The following ABI2 variants were observed in gnomAD, a reference collection of about 807,000 sequenced individuals.
The protein encoded by ABI2 is abl interactor 2, also known as abelson interactor 2.
Under a neutral mutation model 59.2 loss-of-function variants are expected in ABI2, and 25 were observed. The ratio of observed to expected loss-of-function variants is 0.42; its 90% CI spans 0.31 to 0.59. ABI2 has a LOEUF of 0.59. Among genes scored for constraint, ABI2 ranks in the 20% least tolerant of loss-of-function variants. ABI2 has a pLI of 0.14. For synonymous variants in ABI2, 213 were observed against 235.5 expected (o/e 0.90, Z 0.87); for missense variants, 545 against 681.8 (o/e 0.80, Z 2.23).
intron 4 of ABI2, among the ~76,000 whole-genome samples, chr2:203,385,031 CGCCATGTTG>C (rs1297769979): frequency 1.3e-5 from 2 of 151,768 alleles, no homozygotes; most frequent in African/African-American, 2.4e-5. Flanking sequence ...GACAGGGTTT[CGCCATGTTG>C]GCCAGGTTGG....
In ABI2 at chr2:203,431,249, A is replaced by G. The variant is rs1463636282; in HGVS notation, c.*3897A>G. On this transcript the variant is annotated 3_prime_UTR_variant, in exon 12 of 12. Transcript: ENST00000261018. Reference sequence around the variant, plus strand: ...TGATGAGGTGAGTTTTCTTCTTCATATGAACAGCTAGTTAATAACAGCAGA... The same window carrying G: ...TGATGAGGTGAGTTTTCTTCTTCATGTGAACAGCTAGTTAATAACAGCAGA... 1 of 152,630 alleles carries G rather than the reference A, an allele frequency of 6.6e-6. No individual in the cohort carries two copies. Among genetic ancestry groups the G allele is most frequent in the Non-Finnish European group, 1.5e-5 (1 of 68,034 alleles). The allele number at this position is 152,630 out of a possible 1,614,324, so 9.5% of individuals were successfully genotyped here. A position where few individuals can be genotyped will look rare whatever the true frequency, so the allele number is the denominator to read the frequency against.
At chr2:203,379,031 A>C (rs973045496) in intron 2 of ABI2, among the ~76,000 whole-genome samples, 2 of 152,220 alleles carry the variant, frequency 1.3e-5, no homozygotes, top group African/African-American at 4.8e-5. Context: ...CTTGCAGTTT[A>C]AAAAATTTTG....
Position 203,416,900 on chromosome 2 carries a change from G to A in ABI2, c.1280-8G>A, listed in dbSNP as rs377208274. The A allele has an allele frequency of 8.1e-5, 130 of 1,606,392 alleles. No individual in the cohort carries two copies. Among genetic ancestry groups the A allele is most frequent in the South Asian group, 8.0e-4 (72 of 89,938 alleles). On this transcript the variant is annotated splice_region_variant and splice_polypyrimidine_tract_variant and intron_variant, in intron 10 of 11. Coordinates refer to ENST00000261018, the MANE Select transcript of ABI2 (RefSeq NM_001375670.1). ...TATAGTTTTGTTGTCAGCCTGATAC[G>A]TTCTTAGTTTCAGATACACCACCTC...
At position 203,396,780 on chromosome 2, in the gene ABI2, C is replaced by G. The variant is rs1380721198; in HGVS notation, c.851-5C>G. On this transcript the variant is annotated splice_region_variant and splice_polypyrimidine_tract_variant and intron_variant, in intron 7 of 11. Transcript: ENST00000261018. ...ATGCTGCCTCTTACTCCTCTTTCCC[C>G]TCAGCCCCTGCTGGCTCTGCTGGCA... 2 of 1,525,008 alleles carry G rather than the reference C, an allele frequency of 1.3e-6. No homozygotes were observed. The highest frequency in any genetic ancestry group is 1.2e-5 in the South Asian group (1 of 81,654). The allele number at this position is 1,525,008 out of a possible 1,614,324, so 94.5% of individuals were successfully genotyped here.
In ABI2 at chr2:203,429,911, T is replaced by TAAA. The variant is rs1277575859; in HGVS notation, c.*2560_*2561insAAA. ...CAGAAGACACTGGTGAAGTCCTTTA[T>TAAA]ACTGAAGACCTGTGGTTGGGAGCAG... is the stretch of plus-strand genomic sequence containing the variant. On this transcript the variant is annotated 3_prime_UTR_variant, in exon 12 of 12. Coordinates refer to ENST00000261018, the MANE Select transcript of ABI2 (RefSeq NM_001375670.1). The TAAA allele has an allele frequency of 6.6e-6, 1 of 152,228 alleles. No individual in the cohort carries two copies. Among genetic ancestry groups the TAAA allele is most frequent in the Middle Eastern group, 3.1e-3 (1 of 318 alleles). 9.4% of individuals were successfully genotyped at this position (152,228 alleles called of 1,614,324 possible).
At chr2:203,399,743 G>A (rs2097146200) in intron 8 of ABI2, among the ~76,000 whole-genome samples, 1 of 151,976 alleles carries the variant, frequency 6.6e-6, no homozygotes, top group Admixed American at 6.5e-5. Flanking sequence ...TTGAACTCCT[G>A]ACCTCAGGTG....
rs554386836 is a variant in ABI2, at chr2:203,416,293, A to AT, written c.1280-605dup. Among the ~76,000 whole-genome samples, 148 of 147,184 alleles carry AT rather than the reference A, an allele frequency of 1.0e-3. 1 individual carries two copies. The South Asian group carries it at 0.017, about 17-fold the overall frequency. The stretch of plus-strand genomic sequence containing the variant: ...TTTTTATTCTTATTTTTTATTGTTT[A>AT]TTTTTTTTTTGCTGTTGTTGTTTTT... On this transcript the variant is annotated intron_variant, in intron 10 of 11. Coordinates refer to ENST00000261018, the MANE Select transcript of ABI2 (RefSeq NM_001375670.1).
Position 203,431,455 on chromosome 2 carries a change from A to G in ABI2, c.*4103A>G, listed in dbSNP as rs945278380. 3.3e-5 allele frequency: 5 copies of G among 152,620 alleles called. No homozygotes were observed. The highest frequency in any genetic ancestry group is 1.2e-4 in the African/African-American group (5 of 41,458). 9.5% of individuals were successfully genotyped at this position (152,620 alleles called of 1,614,324 possible). A position where few individuals can be genotyped will look rare whatever the true frequency, so the allele number is the denominator to read the frequency against. On this transcript the variant is annotated 3_prime_UTR_variant, in exon 12 of 12. Transcript: ENST00000261018. ...TGTGTAAAGGCGTGTACTAAGTGCAATCTTAATTTGTGGAAATAATCTTCA... is the reference window on the plus strand; with the variant it reads ...TGTGTAAAGGCGTGTACTAAGTGCAGTCTTAATTTGTGGAAATAATCTTCA...
chr2:203,378,966 G>T (rs1028035029), intron 2 of ABI2, among the ~76,000 whole-genome samples: 2 of 152,064 alleles, frequency 1.3e-5, no homozygotes, highest in African/African-American at 4.8e-5. Context: ...GCAGTCTGAT[G>T]TTTCTGTTCT....
chr2:203,416,357 G>T (rs574057531), intron 10 of ABI2, among the ~76,000 whole-genome samples: 1 of 151,904 alleles, frequency 6.6e-6, no homozygotes, highest in African/African-American at 2.4e-5. Context: ...CTGGAGTGGC[G>T]TGATCTCGAC....
chr2:203,411,268 C>G lies in ABI2; in HGVS notation c.1193-17C>G. ...CGCCCTTATCCCTTATCCTCCACAC[C>G]TTTTTTGTTTTTGCAGTATCTCTTG... is the stretch of plus-strand genomic sequence containing the variant. On this transcript the variant is annotated splice_polypyrimidine_tract_variant and intron_variant, in intron 9 of 11. Coordinates refer to ENST00000261018, the MANE Select transcript of ABI2 (RefSeq NM_001375670.1). 1 of 1,602,788 alleles carries G rather than the reference C, an allele frequency of 6.2e-7. No individual in the cohort carries two copies. Among genetic ancestry groups the G allele is most frequent in the Non-Finnish European group, 8.5e-7 (1 of 1,169,966 alleles).
At chr2:203,401,207 C>T (rs6712670) in intron 8 of ABI2, among the ~76,000 whole-genome samples, 111,942 of 151,462 alleles carry the variant, frequency 0.74, 42,408 homozygotes, top group Middle Eastern at 0.87. Context: ...TTTTTTTTTC[C>T]TTTTCACTTA....
intron 1 of ABI2, among the ~76,000 whole-genome samples, chr2:203,365,224 A>T (rs76773271): frequency 0.038 from 5,726 of 152,314 alleles, 347 homozygotes; most frequent in African/African-American, 0.13. Flanking sequence ...ACAGGCACAT[A>T]CAGAATTATG....
chr2:203,333,185 C>G (rs2074758802), intron 1 of ABI2, among the ~76,000 whole-genome samples: 1 of 152,012 alleles, frequency 6.6e-6, no homozygotes, highest in Non-Finnish European at 1.5e-5. Flanking sequence ...AGAATACATG[C>G]TCATTGTTGA....
In ABI2 at chr2:203,368,984, A is replaced by AATTTTTTTTTTT. The variant is rs1312712237; in HGVS notation, c.285+1940_285+1941insATTTTTTTTTTT. ...TACAGGCACGTGCCATGCTTGGCTGATTTTTTTTTTTTTTTTTTTTTTTTT... is the reference window on the plus strand; with the variant it reads ...TACAGGCACGTGCCATGCTTGGCTGAATTTTTTTTTTTTTTTTTTTTTTTTTTTTTTTTTTTT... On this transcript the variant is annotated intron_variant, in intron 2 of 11. Coordinates refer to ENST00000261018, the MANE Select transcript of ABI2 (RefSeq NM_001375670.1). Among the ~76,000 whole-genome samples, 5 of 91,118 alleles carry AATTTTTTTTTTT rather than the reference A, an allele frequency of 5.5e-5. 2 individuals carry two copies. The highest frequency in any genetic ancestry group is 6.2e-5 in the Non-Finnish European group (3 of 48,338). 59.8% of individuals were successfully genotyped at this position (91,118 alleles called of 152,430 possible).
At chr2:203,352,432 C>CCGAA (rs1407641549) in intron 1 of ABI2, among the ~76,000 whole-genome samples, 1 of 151,976 alleles carries the variant, frequency 6.6e-6, no homozygotes, top group Non-Finnish European at 1.5e-5. Flanking sequence ...GATGACAGTT[C>CCGAA]CATAAGTGTT....
chr2:203,415,383 C>T (rs375231333), intron 10 of ABI2, among the ~76,000 whole-genome samples: 24 of 151,922 alleles, frequency 1.6e-4, no homozygotes, highest in Admixed American at 1.2e-3. Context: ...TTTGGGAGGC[C>T]GAGGTGGGCG....
intron 4 of ABI2, 53 bp downstream of exon 4, chr2:203,382,259 C>A: frequency 2.1e-6 from 3 of 1,411,890 alleles, no homozygotes; most frequent in Non-Finnish European, 2.9e-6. Context: ...TAGAATATTA[C>A]ATATGGGGAG....
chr2:203,417,240 T>TA (rs1230072952), intron 11 of ABI2, among the ~76,000 whole-genome samples, 159 bp downstream of exon 11: 1 of 152,250 alleles, frequency 6.6e-6, no homozygotes, highest in East Asian at 1.9e-4. Context: ...TTTTGAAAGT[T>TA]ACACTAGTAA....
Sources: allele counts gnomAD v4.1 joint callset (sites outside exome capture counted in the v4.1 genomes callset), GRCh38; gene constraint gnomAD v4.1.1; transcripts MANE v1.5; gene names NCBI Gene and HGNC (gene_info 2026-07-23, HGNC 2026-07-21).